TRPM3: variants seen among roughly 807,000 people sequenced by gnomAD.
TRPM3 encodes the protein long transient receptor potential channel 3.
A neutral mutation model predicts 181.2 loss-of-function variants in TRPM3; 77 were observed. The ratio of observed to expected loss-of-function variants is 0.42; its 90% CI spans 0.35 to 0.51. TRPM3 has a LOEUF of 0.51. Ranked by LOEUF, TRPM3 falls within the 20% of genes least tolerant of loss-of-function variation. TRPM3 has a pLI of 0.01. For missense variants in TRPM3, 1,759 were observed against 2,196.7 expected (o/e 0.80, Z 3.98); for synonymous variants, 745 against 796.4 (o/e 0.94, Z 1.09).
intron 1 of TRPM3, among the ~76,000 whole-genome samples, chr9:70,915,261 C>T (rs1251628547): frequency 1.3e-5 from 2 of 151,980 alleles, no homozygotes; most frequent in Non-Finnish European, 1.5e-5. Context: ...TTTTAAAAAT[C>T]AAGGAGAAAT....
intron 12 of TRPM3, among the ~76,000 whole-genome samples, chr9:70,629,358 G>T (rs145005556): frequency 0.019 from 2,810 of 151,810 alleles, 101 homozygotes; most frequent in African/African-American, 0.062. Context: ...CTTTTGAGAC[G>T]GAGTTTCACT....
chr9:71,017,977 G>A (rs907706233), intron 1 of TRPM3, among the ~76,000 whole-genome samples: 3 of 151,766 alleles, frequency 2.0e-5, no homozygotes, highest in African/African-American at 7.2e-5. Context: ...TCATGTAAAT[G>A]TTATGATCAC....
At chr9:71,152,781 GA>G (rs1382789914) in intron 1 of TRPM3, among the ~76,000 whole-genome samples, 2 of 152,108 alleles carry the variant, frequency 1.3e-5, no homozygotes, top group Non-Finnish European at 2.9e-5. Context: ...CTTTCAAAAT[GA>G]AAACATGATT....
intron 1 of TRPM3, among the ~76,000 whole-genome samples, chr9:71,230,975 C>T (rs972734427): frequency 6.6e-6 from 1 of 152,130 alleles, no homozygotes; most frequent in Admixed American, 6.5e-5. Flanking sequence ...ACTATTTATA[C>T]TAGGTTTCAG....
At chr9:71,027,056 C>G (rs561850802) in intron 1 of TRPM3, among the ~76,000 whole-genome samples, 1 of 152,274 alleles carries the variant, frequency 6.6e-6, no homozygotes, top group East Asian at 1.9e-4. Flanking sequence ...TTGTGGCTGC[C>G]ACCACCCATC....
intron 1 of TRPM3, among the ~76,000 whole-genome samples, chr9:71,366,288 A>G (rs2092333380): frequency 6.6e-6 from 1 of 152,180 alleles, no homozygotes; most frequent in African/African-American, 2.4e-5. Flanking sequence ...GTTTCCTTGC[A>G]AGACAGAATA....
intron 9 of TRPM3, among the ~76,000 whole-genome samples, chr9:70,666,547 TC>T: frequency 6.6e-6 from 1 of 152,194 alleles, no homozygotes; most frequent in Non-Finnish European, 1.5e-5. Context: ...ATACATGTCT[TC>T]AGAATTTTTA....
chr9:70,761,690 C>T lies in TRPM3; in HGVS notation c.1183G>A (p.Val395Met), dbSNP rs2078176021. The change falls in exon 8 of 26, where the codon GTG becomes ATG. Residue 395 changes from valine (V) to methionine (M), a missense_variant. Transcript: ENST00000677713. ...TATGTGAAAGTCTTCTGTATAGTCA[C>T]CAACAGCTGGTCCCTCAAAGATTCA... Reference protein sequence around the residue: ...INESLRDQLLVTIQKTFTYTR... With the variant: ...INESLRDQLLMTIQKTFTYTR... 4 of 1,613,054 alleles carry T rather than the reference C, an allele frequency of 2.5e-6. No individual in the cohort carries two copies. Among genetic ancestry groups the T allele is most frequent in the Middle Eastern group, 1.6e-4 (1 of 6,074 alleles).
intron 1 of TRPM3, among the ~76,000 whole-genome samples, chr9:71,213,119 G>T (rs1023635094): frequency 6.6e-6 from 1 of 152,128 alleles, no homozygotes; most frequent in Admixed American, 6.5e-5. Flanking sequence ...AGCTTTACAG[G>T]CCATACAATC....
intron 1 of TRPM3, among the ~76,000 whole-genome samples, chr9:71,341,482 T>C (rs1281333892): frequency 2.6e-5 from 4 of 152,028 alleles, no homozygotes; most frequent in African/African-American, 9.7e-5. Flanking sequence ...ACCTATTCAC[T>C]GGAAAACTAC....
intron 8 of TRPM3, among the ~76,000 whole-genome samples, chr9:70,742,719 C>T (rs2074384773): frequency 1.3e-5 from 2 of 152,272 alleles, no homozygotes; most frequent in East Asian, 1.9e-4. Flanking sequence ...AGTTTGAGGT[C>T]ACCACAAATA....
intron 1 of TRPM3, among the ~76,000 whole-genome samples, chr9:71,308,374 A>T (rs2132380408): frequency 6.6e-6 from 1 of 152,286 alleles, no homozygotes; most frequent in East Asian, 1.9e-4. Context: ...GAATTCAGGA[A>T]AATTGAGGGG....
chr9:71,072,053 C>T (rs1045515887), intron 1 of TRPM3, among the ~76,000 whole-genome samples: 1 of 152,102 alleles, frequency 6.6e-6, no homozygotes, highest in African/African-American at 2.4e-5. Context: ...AACTCATAGG[C>T]CCAGACCTGT....
chr9:71,225,208 G>T (rs529503486), intron 1 of TRPM3, among the ~76,000 whole-genome samples: 2 of 152,090 alleles, frequency 1.3e-5, no homozygotes, highest in African/African-American at 4.8e-5. Flanking sequence ...GAATGAAAAA[G>T]AATCCTAAAA....
intron 8 of TRPM3, among the ~76,000 whole-genome samples, chr9:70,689,426 C>T (rs1447980077): frequency 2.0e-5 from 3 of 151,706 alleles, no homozygotes; most frequent in Non-Finnish European, 4.4e-5. Context: ...AAGGTTTTTA[C>T]ACTATCGATG....
intron 1 of TRPM3, among the ~76,000 whole-genome samples, chr9:70,902,817 A>T (rs994732285): frequency 6.6e-6 from 1 of 152,240 alleles, no homozygotes; most frequent in African/African-American, 2.4e-5. Context: ...TTAGGGAAAG[A>T]GAAAGTTGTT....
intron 1 of TRPM3, among the ~76,000 whole-genome samples, chr9:71,228,950 A>G (rs1375856172): frequency 2.0e-5 from 3 of 152,200 alleles, no homozygotes; most frequent in African/African-American, 4.8e-5. Flanking sequence ...CATTCTTCAC[A>G]GAAGTAGAAA....
chr9:71,113,372 A>G lies in TRPM3; in HGVS notation c.177+7806T>C, dbSNP rs185648249. 2.6e-5 allele frequency among the ~76,000 whole-genome samples: 4 copies of G among 152,322 alleles called. No individual in the cohort carries two copies. The East Asian group carries it at 7.7e-4, about 29-fold the overall frequency. On this transcript the variant is annotated intron_variant, in intron 1 of 25. Coordinates refer to ENST00000677713, the MANE Select transcript of TRPM3 (RefSeq NM_001366145.2). ...AAACCCAGGTTTTCCAGTTTGGGCA[A>G]TGTGGTGAATGGGTGATCCTAGCAG...
At chr9:70,945,989 A>G (rs1438321348) in intron 1 of TRPM3, among the ~76,000 whole-genome samples, 1 of 152,196 alleles carries the variant, frequency 6.6e-6, no homozygotes, top group Non-Finnish European at 1.5e-5. Context: ...ATCTACAAGC[A>G]GCTTTGGTCA....
Sources: allele counts gnomAD v4.1 joint callset (sites outside exome capture counted in the v4.1 genomes callset), GRCh38; gene constraint gnomAD v4.1.1; transcripts MANE v1.5; gene names NCBI Gene and HGNC (gene_info 2026-07-23, HGNC 2026-07-21).